DLGAP4: variants seen among roughly 807,000 people sequenced by gnomAD.
DLGAP4 encodes the protein DLG associated protein 4, also known as disks large-associated protein 4.
A neutral mutation model predicts 86.9 loss-of-function variants in DLGAP4; 18 were observed. The ratio of observed to expected loss-of-function variants is 0.21; its 90% CI spans 0.14 to 0.31. The LOEUF (loss-of-function observed/expected upper bound fraction) is 0.31. DLGAP4 is among the 10% of genes least tolerant of loss of function. The probability of loss-of-function intolerance (pLI) is 1.00; values close to 1 mark genes in which losing one functional copy is unlikely to be tolerated. For missense variants in DLGAP4, 1,085 were observed against 1,362.6 expected, an observed-to-expected ratio of 0.80 and a Z score of 3.21; for synonymous variants, 548 against 574.3, an observed-to-expected ratio of 0.95 and a Z score of 0.65.
intron 7 of DLGAP4, among the ~76,000 whole-genome samples, chr20:36,470,160 C>G (rs1008757142): frequency 6.6e-6 from 1 of 152,188 alleles, no homozygotes; most frequent in African/African-American, 2.4e-5. Context: ...CCTCCCTTAT[C>G]AGTTTCACTT....
At chr20:36,427,174 C>T (rs908024419) in intron 2 of DLGAP4, among the ~76,000 whole-genome samples, 10 of 151,716 alleles carry the variant, frequency 6.6e-5, no homozygotes, top group Non-Finnish European at 1.5e-4. Flanking sequence ...CAGAGCGAGA[C>T]CCTGTCTCAA....
At chr20:36,310,677 G>C (rs1169800202) in intron 1 of DLGAP4, among the ~76,000 whole-genome samples, 1 of 152,146 alleles carries the variant, frequency 6.6e-6, no homozygotes, top group Non-Finnish European at 1.5e-5. Flanking sequence ...GAGGTGCCAG[G>C]GTTTGGATCC....
chr20:36,364,600 A>C (rs1280882414), intron 1 of DLGAP4, among the ~76,000 whole-genome samples: 1 of 152,108 alleles, frequency 6.6e-6, no homozygotes, highest in African/African-American at 2.4e-5. Flanking sequence ...GGCAGCCCAG[A>C]TATACTTTCC....
intron 10 of DLGAP4, among the ~76,000 whole-genome samples, chr20:36,521,581 C>T (rs938778990): frequency 6.6e-6 from 1 of 152,160 alleles, no homozygotes; most frequent in Non-Finnish European, 1.5e-5. Flanking sequence ...GCAGCTGAAG[C>T]ATTTTGTACC....
intron 7 of DLGAP4, among the ~76,000 whole-genome samples, chr20:36,481,140 T>A (rs957079137): frequency 6.6e-6 from 1 of 152,162 alleles, no homozygotes; most frequent in Non-Finnish European, 1.5e-5. Flanking sequence ...CATGGGGACT[T>A]CAGTTTCCTC....
At chr20:36,341,581 C>T (rs782024461) in intron 1 of DLGAP4, among the ~76,000 whole-genome samples, 15 of 152,360 alleles carry the variant, frequency 9.8e-5, no homozygotes, top group Non-Finnish European at 1.9e-4. Context: ...AGATGAAGAA[C>T]GACGTGCAGG....
At chr20:36,522,947 A>G (rs910137166) in intron 10 of DLGAP4, among the ~76,000 whole-genome samples, 3 of 151,720 alleles carry the variant, frequency 2.0e-5, no homozygotes, top group African/African-American at 7.3e-5. Context: ...GCCTCAACCT[A>G]CCTAGTTCAA....
chr20:36,396,626 CACAT>C (rs775809824), intron 2 of DLGAP4, among the ~76,000 whole-genome samples: 37 of 144,514 alleles, frequency 2.6e-4, no homozygotes, highest in Middle Eastern at 3.7e-3. Context: ...CAGACACAAA[CACAT>C]ACACGCACAC....
At chr20:36,411,753 T>G (rs2032505722) in intron 2 of DLGAP4, among the ~76,000 whole-genome samples, 1 of 152,118 alleles carries the variant, frequency 6.6e-6, no homozygotes, top group Non-Finnish European at 1.5e-5. Context: ...CTTCCCTGTC[T>G]CCCTCAAAGC....
chr20:36,349,988 A>G (rs539361670), intron 1 of DLGAP4, among the ~76,000 whole-genome samples: 1 of 152,202 alleles, frequency 6.6e-6, no homozygotes, highest in East Asian at 1.9e-4. Context: ...CCCATCAGGC[A>G]CAGCTGTGCT....
chr20:36,395,156 C>T (rs2031908981), intron 2 of DLGAP4, among the ~76,000 whole-genome samples: 1 of 152,232 alleles, frequency 6.6e-6, no homozygotes, highest in East Asian at 1.9e-4. Context: ...ACAAGACCCA[C>T]CCGTCACTTC....
intron 2 of DLGAP4, among the ~76,000 whole-genome samples, chr20:36,411,138 C>T (rs1048176763): frequency 3.3e-5 from 5 of 152,146 alleles, no homozygotes; most frequent in East Asian, 1.9e-4. Flanking sequence ...TACAGGCATG[C>T]GCCATCGCAC....
At chr20:36,492,017 C>T (rs1036400186) in intron 7 of DLGAP4, among the ~76,000 whole-genome samples, 4 of 152,114 alleles carry the variant, frequency 2.6e-5, no homozygotes, top group Non-Finnish European at 2.9e-5. Context: ...GAAGAAGAGA[C>T]GGCAGTCGGG....
chr20:36,472,746 G>C (rs1204386136), intron 7 of DLGAP4, among the ~76,000 whole-genome samples: 1 of 152,176 alleles, frequency 6.6e-6, no homozygotes, highest in Non-Finnish European at 1.5e-5. Context: ...CAAAGTGAAA[G>C]AAAAATGGCA....
intron 7 of DLGAP4, among the ~76,000 whole-genome samples, chr20:36,463,153 T>C (rs1252464536): frequency 6.6e-6 from 1 of 152,114 alleles, no homozygotes; most frequent in East Asian, 1.9e-4. Context: ...GGGAGAGGAC[T>C]TCTTAATCTG....
intron 3 of DLGAP4, among the ~76,000 whole-genome samples, chr20:36,435,904 C>CCAGCCTGGGAT (rs1255843069): frequency 6.6e-6 from 1 of 152,154 alleles, no homozygotes; most frequent in Non-Finnish European, 1.5e-5. Context: ...ATGGAGAAAT[C>CCAGCCTGGGAT]CCAGGCTGGA....
intron 1 of DLGAP4, among the ~76,000 whole-genome samples, chr20:36,329,732 A>G (rs1396841275): frequency 6.6e-6 from 1 of 152,190 alleles, no homozygotes; most frequent in East Asian, 1.9e-4. Flanking sequence ...CCCCATCTCT[A>G]CTAAAAATAC....
At chr20:36,462,368 C>T in intron 7 of DLGAP4, 1 of 1,392,252 alleles carries the variant, frequency 7.2e-7, no homozygotes, top group Non-Finnish European at 9.2e-7. Flanking sequence ...TGTGCCCCCA[C>T]ATCTGTCTCG....
At chr20:36,468,210 A>T (rs1295997658) in intron 7 of DLGAP4, among the ~76,000 whole-genome samples, 7 of 152,194 alleles carry the variant, frequency 4.6e-5, no homozygotes, top group Non-Finnish European at 8.8e-5. Flanking sequence ...TGTGCTGTGT[A>T]TATGTCCAGT....
Sources: gnomAD v4.1 joint callset for allele counts (sites outside exome capture counted in the v4.1 genomes callset) on GRCh38, gnomAD v4.1.1 for gene constraint, MANE v1.5 for transcripts, NCBI Gene and HGNC (gene_info 2026-07-23, HGNC 2026-07-21) for gene names.